Variants in IQCK observed in about 807,000 individuals in gnomAD.
The protein encoded by IQCK is IQ domain-containing protein K.
In IQCK, 29 loss-of-function variants were observed where a neutral mutation model predicts 28.1. That is an observed-to-expected ratio of 1.03 (90% CI 0.77 to 1.41). The LOEUF (loss-of-function observed/expected upper bound fraction) is 1.41, where lower values mean the gene tolerates loss of function less well. IQCK is among the 40% of genes most tolerant of loss of function. The probability of loss-of-function intolerance (pLI) is 0.00; values close to 1 mark genes in which losing one functional copy is unlikely to be tolerated. For missense variants in IQCK, 359 were observed against 314.7 expected, an observed-to-expected ratio of 1.14 and a Z score of -1.07; for synonymous variants, 113 against 115.1, an observed-to-expected ratio of 0.98 and a Z score of 0.12.
intron 2 of IQCK, among the ~76,000 whole-genome samples, chr16:19,732,841 G>A (rs1370064195): frequency 6.6e-6 from 1 of 152,174 alleles, no homozygotes; most frequent in Admixed American, 6.5e-5. Flanking sequence ...TGTTTCATTG[G>A]TTTACAGAAG....
At chr16:19,741,514 T>C (rs1292241828) in intron 4 of IQCK, among the ~76,000 whole-genome samples, 1 of 152,166 alleles carries the variant, frequency 6.6e-6, no homozygotes, top group Non-Finnish European at 1.5e-5. Context: ...ATATTAGAGA[T>C]TAATGAGGCA....
exon 10 of IQCK, chr16:19,856,603 A>G (rs2056566288): frequency 8.9e-6 from 12 of 1,352,306 alleles, no homozygotes; most frequent in Non-Finnish European, 1.3e-5. Context: ...TGTGCAAGGA[A>G]AATGTCCAAA....
Position 19,825,397 on chromosome 16 carries a change from G to A in IQCK, c.691-1629G>A, listed in dbSNP as rs2056134727. Among the ~76,000 whole-genome samples the A allele has an allele frequency of 6.6e-6, 1 of 152,104 alleles. No homozygotes were observed. The highest frequency in any genetic ancestry group is 1.5e-5 in the Non-Finnish European group (1 of 68,030). ...TAGCCAGGCCTGGTGGTGCACACCT[G>A]TATTCCCAGCTACTTGGGAGGCTGA... is the stretch of plus-strand genomic sequence containing the variant. On this transcript the variant is annotated intron_variant, in intron 7 of 7. Coordinates refer to ENST00000564186, the Ensembl canonical transcript of IQCK. This position sits in a 1 kb window ranked among gnomAD's most constrained non-coding sequence, Gnocchi z 4.2.
At chr16:19,851,951 C>T (rs552743140) in intron 9 of IQCK, among the ~76,000 whole-genome samples, 98 of 152,294 alleles carry the variant, frequency 6.4e-4, no homozygotes, top group African/African-American at 2.1e-3. Context: ...ACCACCAAGT[C>T]GAGATTTTAT....
intron 2 of IQCK, 28 bp downstream of exon 2, chr16:19,730,522 G>C (rs1438495010): frequency 6.5e-7 from 1 of 1,529,298 alleles, no homozygotes; most frequent in African/African-American, 1.4e-5. Context: ...CTCAACCGAA[G>C]CAAGAAGCTC....
chr16:19,768,799 A>G (rs921246573), intron 6 of IQCK, among the ~76,000 whole-genome samples: 1 of 152,182 alleles, frequency 6.6e-6, no homozygotes, highest in Non-Finnish European at 1.5e-5. Context: ...TACTGATCCT[A>G]TGATCTTGGG....
chr16:19,733,497 CCTT>C (rs1177989280), intron 2 of IQCK, among the ~76,000 whole-genome samples, 198 bp from the exon 3 acceptor site: 1 of 152,010 alleles, frequency 6.6e-6, no homozygotes, highest in Non-Finnish European at 1.5e-5. Flanking sequence ...CACAGCTGGT[CCTT>C]CTTTTCTCTA....
chr16:19,805,207 GC>G (rs1286924714), intron 7 of IQCK, among the ~76,000 whole-genome samples: 1 of 147,662 alleles, frequency 6.8e-6, no homozygotes, highest in Non-Finnish European at 1.5e-5. Flanking sequence ...TTCAGATATG[GC>G]CCAGGTGAAG....
At chr16:19,783,666 C>G (rs1308016967) in intron 6 of IQCK, among the ~76,000 whole-genome samples, 1 of 152,178 alleles carries the variant, frequency 6.6e-6, no homozygotes, top group African/African-American at 2.4e-5. Context: ...ATTCCCAGGA[C>G]TACTCTTCGA....
At chr16:19,842,470 AACCAAGGT>A (rs1399193560) in intron 9 of IQCK, among the ~76,000 whole-genome samples, 1 of 152,194 alleles carries the variant, frequency 6.6e-6, no homozygotes, top group African/African-American at 2.4e-5. Flanking sequence ...TTGGCTTACA[AACCAAGGT>A]ACCTTGGGAA....
chr16:19,771,909 G>A (rs2055325868), intron 6 of IQCK, among the ~76,000 whole-genome samples: 1 of 152,130 alleles, frequency 6.6e-6, no homozygotes, highest in South Asian at 2.1e-4. Context: ...CAGCTGCTGT[G>A]GTGAAACCGA....
intron 4 of IQCK, among the ~76,000 whole-genome samples, chr16:19,753,052 C>CAG (rs111298371): frequency 0.098 from 14,496 of 148,586 alleles, 2,119 homozygotes; most frequent in African/African-American, 0.33. Context: ...TCAAGTGTAG[C>CAG]AGAGAGAGAG....
chr16:19,827,199 T>C, downstream of IQCK: 1 of 1,230,476 alleles, frequency 8.1e-7, no homozygotes, highest in Non-Finnish European at 1.2e-6. Context: ...TATTCCAGGC[T>C]CAAGAAGGAG....
intron 9 of IQCK, 21 bp from the exon 9 acceptor site, chr16:19,856,466 T>A: frequency 6.2e-7 from 1 of 1,608,582 alleles, no homozygotes; most frequent in South Asian, 1.1e-5. Flanking sequence ...GATCCTGACT[T>A]TCCCTTTCTT....
In IQCK at chr16:19,825,188, T is replaced by A. The variant is rs1050884576; in HGVS notation, c.691-1838T>A. On this transcript the variant is annotated intron_variant, in intron 7 of 7. Transcript: ENST00000564186. This position sits in a 1 kb window ranked among gnomAD's most constrained non-coding sequence, Gnocchi z 4.2. ...AGTTATCTCATCTGTAACATGGAGA[T>A]AATCATTCCTGCCTTATTGGCTTGG... 5.3e-5 allele frequency among the ~76,000 whole-genome samples: 8 copies of A among 152,210 alleles called. No homozygotes were observed. The highest frequency in any genetic ancestry group is 1.9e-4 in the African/African-American group (8 of 41,456).
At chr16:19,763,727 G>A in intron 4 of IQCK, 121 bp from the exon 5 acceptor site, 1 of 763,930 alleles carries the variant, frequency 1.3e-6, no homozygotes, top group Non-Finnish European at 2.2e-6. Context: ...ACAGGCGTGA[G>A]CCACCACACC....
rs966404354 is a variant in IQCK at position 19,731,184 on chromosome 16, C to T, written c.246+690C>T. On this transcript the variant is annotated intron_variant, in intron 2 of 7. Coordinates refer to ENST00000564186, the Ensembl canonical transcript of IQCK. ...AGACAGACCAAGTTTCTCTGCATGA[C>T]AGGGTAGACAAGATGAAGACTGTGC... Among the ~76,000 whole-genome samples, 5 of 152,282 alleles carry T rather than the reference C, an allele frequency of 3.3e-5. No homozygotes were observed. The East Asian group carries it at 7.7e-4, about 24-fold the overall frequency.
downstream of IQCK, among the ~76,000 whole-genome samples, chr16:19,831,752 T>C (rs945148841): frequency 2.2e-4 from 33 of 152,208 alleles, no homozygotes; most frequent in Admixed American, 1.8e-3. Context: ...CTCCGGCATT[T>C]ACAGTACAAA....
At chr16:19,807,497 G>A (rs985338070) in intron 7 of IQCK, among the ~76,000 whole-genome samples, 1 of 152,164 alleles carries the variant, frequency 6.6e-6, no homozygotes, top group Non-Finnish European at 1.5e-5. Flanking sequence ...TCAAATTATG[G>A]TCCAAGAACC....
Sources: allele counts gnomAD v4.1 joint callset (sites outside exome capture counted in the v4.1 genomes callset), GRCh38; gene constraint gnomAD v4.1.1; non-coding constraint Gnocchi (gnomAD v3.1); transcripts MANE v1.5; gene names NCBI Gene and HGNC (gene_info 2026-07-23, HGNC 2026-07-21).